SLC25A13: variants seen among roughly 807,000 people sequenced by gnomAD.
The protein encoded by SLC25A13 is electrogenic aspartate/glutamate antiporter SLC25A13, mitochondrial.
Under a neutral mutation model 85.5 loss-of-function variants are expected in SLC25A13, and 70 were observed. The ratio of observed to expected loss-of-function variants is 0.82; its 90% confidence interval spans 0.68 to 1.00. The LOEUF (loss-of-function observed/expected upper bound fraction) is 1.00, where lower values mean the gene tolerates loss of function less well. Ranked by LOEUF, SLC25A13 falls within the 50% of genes least tolerant of loss-of-function variation. The pLI is 0.00. For synonymous variants in SLC25A13, 259 were observed against 288.7 expected (o/e 0.90, Z 1.04); for missense variants, 765 against 819.8 (o/e 0.93, Z 0.82).
chr7:96,279,427 T>C (rs950014724), intron 2 of SLC25A13, among the ~76,000 whole-genome samples: 4 of 152,206 alleles, frequency 2.6e-5, no homozygotes, highest in Non-Finnish European at 5.9e-5. Context: ...CAGTTCCACA[T>C]GGCTGGGAGG....
At chr7:96,290,303 A>G (rs1350714521) in intron 2 of SLC25A13, among the ~76,000 whole-genome samples, 1 of 152,228 alleles carries the variant, frequency 6.6e-6, no homozygotes. Context: ...AACAACTGGT[A>G]CCAACCACTG....
intron 14 of SLC25A13, among the ~76,000 whole-genome samples, chr7:96,138,931 A>C (rs1043755921): frequency 6.6e-6 from 1 of 152,218 alleles, no homozygotes; most frequent in Non-Finnish European, 1.5e-5. Context: ...AGTTCAAAGC[A>C]GAAGACCTGG....
At chr7:96,180,544 G>C (rs1286404277) in intron 11 of SLC25A13, among the ~76,000 whole-genome samples, 1 of 152,196 alleles carries the variant, frequency 6.6e-6, no homozygotes, top group Non-Finnish European at 1.5e-5. Flanking sequence ...GGCCAGGCTG[G>C]TCTTGAACTC....
At chr7:96,212,658 G>C (rs954002892) in intron 4 of SLC25A13, among the ~76,000 whole-genome samples, 7 of 152,112 alleles carry the variant, frequency 4.6e-5, no homozygotes, top group Non-Finnish European at 8.8e-5. Context: ...ACAGTGCTTT[G>C]GACCAAAGCC....
intron 3 of SLC25A13, among the ~76,000 whole-genome samples, chr7:96,243,478 G>A (rs928035646): frequency 2.0e-5 from 3 of 152,126 alleles, no homozygotes; most frequent in African/African-American, 7.2e-5. Context: ...GCAACGCCTT[G>A]GAATCATGCT....
intron 5 of SLC25A13, among the ~76,000 whole-genome samples, chr7:96,197,268 C>T (rs1795097955): frequency 6.6e-6 from 1 of 152,288 alleles, no homozygotes; most frequent in African/African-American, 2.4e-5. Flanking sequence ...TTTACTGTTG[C>T]CTATTTTTGT....
At chr7:96,298,446 T>C (rs77726540) in intron 1 of SLC25A13, among the ~76,000 whole-genome samples, 1 of 152,078 alleles carries the variant, frequency 6.6e-6, no homozygotes. Flanking sequence ...TTTTTTTTTT[T>C]CTTTGAGATG....
chr7:96,301,100 A>G (rs1366516757), intron 1 of SLC25A13, among the ~76,000 whole-genome samples: 53 of 152,222 alleles, frequency 3.5e-4, no homozygotes, highest in Non-Finnish European at 1.0e-4. Flanking sequence ...TATGAGCTGG[A>G]AAAAGGAAGC....
intron 13 of SLC25A13, among the ~76,000 whole-genome samples, chr7:96,154,063 C>G (rs1443417498): frequency 6.6e-6 from 1 of 152,102 alleles, no homozygotes; most frequent in Admixed American, 6.6e-5. Context: ...AATATTATAA[C>G]TTTTTCCTAA....
At chr7:96,188,815 G>GT (rs1207872441) in intron 9 of SLC25A13, among the ~76,000 whole-genome samples, 2 of 152,174 alleles carry the variant, frequency 1.3e-5, no homozygotes, top group African/African-American at 4.8e-5. Flanking sequence ...CCTTTAAACT[G>GT]TAACTCCAGA....
intron 11 of SLC25A13, among the ~76,000 whole-genome samples, chr7:96,182,399 T>C (rs1794451102): frequency 6.6e-6 from 1 of 152,258 alleles, no homozygotes. Context: ...CTCATCATCC[T>C]GACAGACAGC....
At chr7:96,149,149 A>G (rs569346978) in intron 13 of SLC25A13, among the ~76,000 whole-genome samples, 3 of 152,214 alleles carry the variant, frequency 2.0e-5, no homozygotes, top group Non-Finnish European at 4.4e-5. Flanking sequence ...GCACTACACC[A>G]TCTGCACTAC....
intron 14 of SLC25A13, among the ~76,000 whole-genome samples, chr7:96,135,312 C>G (rs77119204): frequency 6.6e-6 from 1 of 152,122 alleles, no homozygotes; most frequent in South Asian, 2.1e-4. Context: ...CGTCAGGAGG[C>G]GGCCCTTCAC....
intron 5 of SLC25A13, among the ~76,000 whole-genome samples, chr7:96,202,588 A>G (rs1795300474): frequency 6.6e-6 from 1 of 152,172 alleles, no homozygotes. Context: ...CAATAGCTGG[A>G]TGACCCCTGG....
intron 11 of SLC25A13, among the ~76,000 whole-genome samples, chr7:96,174,213 T>C (rs1794125910): frequency 6.6e-6 from 1 of 152,208 alleles, no homozygotes; most frequent in African/African-American, 2.4e-5. Flanking sequence ...CTACCTTCTT[T>C]CTCTCTTGTG....
intron 3 of SLC25A13, among the ~76,000 whole-genome samples, chr7:96,251,862 G>C (rs1191090597): frequency 1.3e-5 from 2 of 152,132 alleles, no homozygotes; most frequent in East Asian, 3.9e-4. Flanking sequence ...CACCATCTTT[G>C]CTATTTTGGG....
intron 4 of SLC25A13, among the ~76,000 whole-genome samples, chr7:96,213,218 A>T (rs189656031): frequency 2.2e-4 from 33 of 152,228 alleles, no homozygotes; most frequent in Admixed American, 1.4e-3. Flanking sequence ...ACATCTATAA[A>T]CTCAATAATC....
chr7:96,150,118 TG>T (rs1380173449), intron 13 of SLC25A13, among the ~76,000 whole-genome samples: 1 of 151,942 alleles, frequency 6.6e-6, no homozygotes, highest in African/African-American at 2.4e-5. Context: ...ACATGTTTCC[TG>T]GTATACTCTT....
At position 96,120,927 on chromosome 7, in the gene SLC25A13, G is replaced by A; in HGVS notation, c.*264C>T. Reference sequence around the variant, plus strand: ...TGACTTGCTCCTTTCCCCAAATCATGTTAGTGTTGACCAAATCCCATCAAT... The same window carrying A: ...TGACTTGCTCCTTTCCCCAAATCATATTAGTGTTGACCAAATCCCATCAAT... On this transcript the variant is annotated 3_prime_UTR_variant, in exon 18 of 18. Transcript: ENST00000265631. 1 of 583,122 alleles carries A rather than the reference G, an allele frequency of 1.7e-6. No homozygotes were observed. The highest frequency in any genetic ancestry group is 2.2e-5 in the Admixed American group (1 of 46,390). 36.1% of individuals were successfully genotyped at this position (583,122 alleles called of 1,614,324 possible). A position where few individuals can be genotyped will look rare whatever the true frequency, so the allele number is the denominator to read the frequency against.
Sources: gnomAD v4.1 joint callset for allele counts (sites outside exome capture counted in the v4.1 genomes callset) on GRCh38, gnomAD v4.1.1 for gene constraint, MANE v1.5 for transcripts, NCBI Gene and HGNC (gene_info 2026-07-23, HGNC 2026-07-21) for gene names.